PRDM2: variants seen among roughly 807,000 people sequenced by gnomAD.
PRDM2 encodes the protein PR/SET domain 2.
A neutral mutation model predicts 130.0 loss-of-function variants in PRDM2; 30 were observed. The ratio of observed to expected loss-of-function variants is 0.23; its 90% CI spans 0.17 to 0.31. PRDM2 has a LOEUF of 0.31. PRDM2 is among the 10% of genes least tolerant of loss of function. The pLI is 1.00. For synonymous variants in PRDM2, 871 were observed against 782.4 expected, an observed-to-expected ratio of 1.11 and a Z score of -1.89; for missense variants, 2,011 against 2,108.4, an observed-to-expected ratio of 0.95 and a Z score of 0.90.
Position 13,782,048 on chromosome 1 carries a change from A to C in PRDM2, c.4253A>C (p.Lys1418Thr), listed in dbSNP as rs1049201115. Reference sequence around the variant, plus strand: ...AGCAAAATGTCGTCGAATAAGCTCAAATTAAATGCATTGAAGAAAAAAAAT... The same window carrying C: ...AGCAAAATGTCGTCGAATAAGCTCACATTAAATGCATTGAAGAAAAAAAAT... ...ELSKMSSNKL[K>T]LNALKKKNQL... Residue 1418 changes from lysine to threonine, a missense_variant, in exon 8 of 10, where the codon AAA becomes ACA. Lys to Thr is a moderately conservative substitution (Grantham distance 78, BLOSUM62 -1). Around this residue, in one of 5 missense-constraint regions of PRDM2, gnomAD observed 410 missense variants for 395.9 expected, o/e 1.04. Coordinates refer to ENST00000311066, the MANE Select transcript of PRDM2 (RefSeq NM_001393986.1). 6.2e-7 allele frequency: 1 copy of C among 1,614,026 alleles called. No homozygotes were observed. Among genetic ancestry groups the C allele is most frequent in the African/African-American group, 1.3e-5 (1 of 74,892 alleles).
rs751059264 is a variant in PRDM2, at chr1:13,780,769, A to G, written c.2974A>G (p.Thr992Ala). 6 of 1,501,738 alleles carry G rather than the reference A, an allele frequency of 4.0e-6. No homozygotes were observed. The highest frequency in any genetic ancestry group is 5.3e-6 in the Non-Finnish European group (6 of 1,125,762). 93.0% of individuals were successfully genotyped at this position (1,501,738 alleles called of 1,614,324 possible). The change falls in exon 8 of 10, where the codon ACC (threonine) becomes GCC (alanine). Residue 992 changes from threonine to alanine, a missense_variant. Around this residue, in one of 5 missense-constraint regions of PRDM2, gnomAD observed 1,288 missense variants for 1,237.7 expected, o/e 1.04. Transcript: ENST00000311066. ...VATPPPPLLP[T>A]VPLPAPSSSA... is the part of the protein sequence containing the mutation. ...CACTCCGCCCCCTCCCCTCCTTCCT[A>G]CCGTACCTCTTCCAGCCCCCTCTTC...
chr1:13,747,769 CAAAAAAAAA>C (rs78988090), intron 5 of PRDM2, among the ~76,000 whole-genome samples: 2 of 48,398 alleles, frequency 4.1e-5, no homozygotes, highest in Non-Finnish European at 9.2e-5. Flanking sequence ...TCCCTCCCCG[CAAAAAAAAA>C]AAAAAAAAAA....
chr1:13,791,879 A>T (rs188096632), intron 8 of PRDM2, among the ~76,000 whole-genome samples: 2 of 152,226 alleles, frequency 1.3e-5, no homozygotes, highest in East Asian at 3.9e-4. Flanking sequence ...TTTCTTTTCA[A>T]CTCTTTTTTA....
Position 13,787,923 on chromosome 1 carries a change from T to G in PRDM2, c.5036+5092T>G, listed in dbSNP as rs915693823. The G allele has an allele frequency of 7.1e-6, 7 of 985,262 alleles. No individual in the cohort carries two copies. The African/African-American group carries it at 8.7e-5, about 12-fold the overall frequency. 61.0% of individuals were successfully genotyped at this position (985,262 alleles called of 1,614,324 possible). ...TAATTATAGATAGACAAGAGTGGTG[T>G]TTGTTGTTTTTCCCCTCCCAGCATT... On this transcript the variant is annotated intron_variant, in intron 8 of 9. Coordinates refer to ENST00000311066, the MANE Select transcript of PRDM2 (RefSeq NM_001393986.1).
intron 7 of PRDM2, chr1:13,773,564 A>G (rs779414984): frequency 6.5e-6 from 1 of 153,402 alleles, no homozygotes. Flanking sequence ...AAAATAAGAA[A>G]ATTCACTAAG....
chr1:13,758,910 TACTG>T (rs1241697553), intron 6 of PRDM2, among the ~76,000 whole-genome samples: 1 of 152,220 alleles, frequency 6.6e-6, no homozygotes, highest in Non-Finnish European at 1.5e-5. Context: ...AAGATAATGA[TACTG>T]TGTGTGTGGT....
chr1:13,773,041 AAAATG>A, intron 6 of PRDM2, 32 bp from the exon 7 acceptor site: 1 of 1,223,226 alleles, frequency 8.2e-7, no homozygotes, highest in Non-Finnish European at 1.1e-6. Flanking sequence ...AAATAAAAAA[AAAATG>A]AATGAATAAA....
chr1:13,783,652 G>T (rs1311521599), intron 8 of PRDM2, among the ~76,000 whole-genome samples: 1 of 152,224 alleles, frequency 6.6e-6, no homozygotes, highest in African/African-American at 2.4e-5. Flanking sequence ...GACAGATGAA[G>T]AGAGGGCAGC....
In PRDM2 at chr1:13,781,938, T is replaced by C; in HGVS notation, c.4143T>C (p.Asn1381=). The stretch of plus-strand genomic sequence containing the variant: ...TAAAACAAACTGTGCAACCCAAAAA[T>C]GGCGTGGTGGTTTTAGATAACTCTG... ...VPLKQTVQPK[N]GVVVLDNSGK... The change falls in exon 8 of 10, where the codon AAT becomes AAC. Residue 1381 remains asparagine (N), a synonymous_variant. Transcript: ENST00000311066. This position sits in a 1 kb window ranked among gnomAD's most constrained non-coding sequence, Gnocchi z 6.1. 6.2e-7 allele frequency: 1 copy of C among 1,614,034 alleles called. No homozygotes were observed. The highest frequency in any genetic ancestry group is 8.5e-7 in the Non-Finnish European group (1 of 1,180,016).
rs770833227 is a variant in PRDM2, at chr1:13,781,836, G to A, written c.4041G>A (p.Glu1347=). 6.2e-6 allele frequency: 10 copies of A among 1,614,026 alleles called. No homozygotes were observed. In the Admixed American group the frequency reaches 1.5e-4, roughly 24 times the overall value. The stretch of plus-strand genomic sequence containing the variant: ...GAAAAGGTGTCGACAATATGCCGGA[G>A]TTGCACAAACATATCCTGGCTTGTG... ...KCGKGVDNMP[E]LHKHILACAS... is the part of the protein sequence containing the mutation. The change falls in exon 8 of 10, where the codon GAG becomes GAA. Residue 1347 remains glutamate (E), a synonymous_variant. Transcript: ENST00000311066. This position sits in a 1 kb window ranked among gnomAD's most constrained non-coding sequence, Gnocchi z 6.1.
chr1:13,756,856 G>C (rs1643967881), intron 6 of PRDM2, among the ~76,000 whole-genome samples: 1 of 152,156 alleles, frequency 6.6e-6, no homozygotes, highest in African/African-American at 2.4e-5. Flanking sequence ...CAATAATCCT[G>C]CGAAGTTGAG....
intron 6 of PRDM2, among the ~76,000 whole-genome samples, chr1:13,760,181 T>C (rs1320987161): frequency 2.0e-5 from 3 of 152,204 alleles, no homozygotes; most frequent in African/African-American, 7.2e-5. Flanking sequence ...TGATACTTAC[T>C]CAATTTCTGT....
At chr1:13,822,008 T>A (rs948785092) in intron 9 of PRDM2, among the ~76,000 whole-genome samples, 5 of 152,200 alleles carry the variant, frequency 3.3e-5, no homozygotes, top group African/African-American at 1.2e-4. Flanking sequence ...AGAATGGGGA[T>A]CTGTGTTGCC....
Position 13,749,423 on chromosome 1 carries a change from A to G in PRDM2, c.447A>G (p.Ala149=), listed in dbSNP as rs1233344794. ...ATGGGGAAGACAACCCTGAGATAGC[A>G]GCTGCGATTGAGGAAGAGCGAGCCA... is the stretch of plus-strand genomic sequence containing the variant. The part of the protein sequence containing the change: ...WYNGEDNPEI[A]AAIEEERASA... Residue 149 remains alanine (A), a synonymous_variant, in exon 6 of 10, where the codon GCA becomes GCG. Transcript: ENST00000311066. 4 of 1,511,812 alleles carry G rather than the reference A, an allele frequency of 2.6e-6. No homozygotes were observed. The highest frequency in any genetic ancestry group is 3.6e-6 in the Non-Finnish European group (4 of 1,117,748). The allele number at this position is 1,511,812 out of a possible 1,614,324, so 93.6% of individuals were successfully genotyped here.
At chr1:13,712,565 G>A (rs1642403855) in intron 1 of PRDM2, among the ~76,000 whole-genome samples, 1 of 151,964 alleles carries the variant, frequency 6.6e-6, no homozygotes, top group Non-Finnish European at 1.5e-5. Context: ...GACCATCATG[G>A]CCAACATGGT....
intron 6 of PRDM2, among the ~76,000 whole-genome samples, chr1:13,768,860 G>A (rs187404433): frequency 5.3e-5 from 8 of 152,278 alleles, no homozygotes; most frequent in Admixed American, 2.6e-4. Context: ...CAATAAGGGC[G>A]CACAGTACAG....
At position 13,731,060 on chromosome 1, in the gene PRDM2, C is replaced by T. The variant is rs375621213; in HGVS notation, c.70C>T (p.Arg24Ter). Residue 24 changes from arginine to a stop codon, truncating the protein, a stop_gained, in exon 3 of 10, where the codon CGA becomes TGA. Transcript: ENST00000311066. LOFTEE classifies it high-confidence loss of function. The part of the protein sequence containing the change: ...TLAEVPEHVL[R>*]GLPEEVRLFP... ...GGCTGAGGTACCCGAACATGTGCTG[C>T]GAGGACTTCCGGAGGAAGTGAGGCT... 10 of 1,612,652 alleles carry T rather than the reference C, an allele frequency of 6.2e-6. No homozygotes were observed. The highest frequency in any genetic ancestry group is 4.0e-5 in the African/African-American group (3 of 74,626).
chr1:13,711,679 A>C (rs1165893728), intron 1 of PRDM2, among the ~76,000 whole-genome samples: 1 of 152,182 alleles, frequency 6.6e-6, no homozygotes, highest in East Asian at 1.9e-4. Flanking sequence ...TTTTAAAATA[A>C]CATTTGAGAA....
chr1:13,703,366 A>G (rs1322486712), intron 1 of PRDM2, among the ~76,000 whole-genome samples: 3 of 152,224 alleles, frequency 2.0e-5, no homozygotes, highest in African/African-American at 7.2e-5. Context: ...GACATTTCCA[A>G]ATAGCACTTG....
Sources: allele counts gnomAD v4.1 joint callset (sites outside exome capture counted in the v4.1 genomes callset), GRCh38; gene constraint gnomAD v4.1.1; regional missense constraint gnomAD v4.1.1; non-coding constraint Gnocchi (gnomAD v3.1); transcripts MANE v1.5; gene names NCBI Gene and HGNC (gene_info 2026-07-23, HGNC 2026-07-21).